SASH1: variants seen among roughly 807,000 people sequenced by gnomAD.
SASH1 encodes the protein SAM and SH3 domain containing 1.
In SASH1, 44 loss-of-function variants were observed where a neutral mutation model predicts 125.2. The observed-to-expected ratio is 0.35, with a 90% CI of 0.28 to 0.45. The LOEUF is 0.45. Among genes scored for constraint, SASH1 ranks in the 20% least tolerant of loss-of-function variants. The pLI, the probability that SASH1 is intolerant of heterozygous loss-of-function variation, is 1.00. For synonymous variants in SASH1, 639 were observed against 649.1 expected (o/e 0.98, Z 0.24); for missense variants, 1,426 against 1,614.5 (o/e 0.88, Z 2.00).
intron 17 of SASH1, among the ~76,000 whole-genome samples, chr6:148,541,165 G>A (rs1241269006): frequency 1.3e-5 from 2 of 151,938 alleles, no homozygotes; most frequent in Non-Finnish European, 2.9e-5. Context: ...GTAGCAAGAT[G>A]AGAAACAGTG....
chr6:148,464,973 A>C (rs1461753311), intron 4 of SASH1, among the ~76,000 whole-genome samples: 1 of 152,206 alleles, frequency 6.6e-6, no homozygotes, highest in African/African-American at 2.4e-5. Flanking sequence ...TGCCTGGGCC[A>C]AGTCCAAACC....
intron 2 of SASH1, chr6:148,393,815 C>A: frequency 1.6e-6 from 1 of 636,888 alleles, no homozygotes; most frequent in Non-Finnish European, 2.0e-6. Flanking sequence ...AGGCTGGAAG[C>A]ATGACTGTTC....
intron 4 of SASH1, among the ~76,000 whole-genome samples, chr6:148,450,722 G>T (rs888719571): frequency 2.7e-5 from 4 of 150,046 alleles, no homozygotes; most frequent in Non-Finnish European, 1.5e-5. Flanking sequence ...ACTCATTGAG[G>T]TATATATTAT....
intron 11 of SASH1, among the ~76,000 whole-genome samples, chr6:148,526,935 C>T (rs1186169746): frequency 6.6e-6 from 1 of 150,706 alleles, no homozygotes; most frequent in Non-Finnish European, 1.5e-5. Context: ...TGCAGTGACG[C>T]GATCTCAGCT....
chr6:148,199,896 G>A, the SASH1 span, among the ~76,000 whole-genome samples: 1 of 152,166 alleles, frequency 6.6e-6, no homozygotes, highest in African/African-American at 2.4e-5. Flanking sequence ...GCAAAGACCA[G>A]CATGTGTGAA....
chr6:148,439,271 G>A (rs2115000326), intron 2 of SASH1, among the ~76,000 whole-genome samples: 1 of 152,198 alleles, frequency 6.6e-6, no homozygotes, highest in Non-Finnish European at 1.5e-5. Flanking sequence ...ATATTTCAGT[G>A]CATTCTTAAT....
At chr6:148,546,210 A>G in intron 19 of SASH1, 64 bp downstream of exon 19, 1 of 1,558,910 alleles carries the variant, frequency 6.4e-7, no homozygotes, top group Non-Finnish European at 8.7e-7. Context: ...AGTGATGACC[A>G]TACTAACAAC....
rs560383314 is a variant in SASH1 at position 148,356,891 on chromosome 6, T to A, written c.156+13668T>A. 7.9e-5 allele frequency among the ~76,000 whole-genome samples: 12 copies of A among 152,346 alleles called. No homozygotes were observed. In the South Asian group the frequency reaches 2.3e-3, roughly 29 times the overall value. On this transcript the variant is annotated intron_variant, in intron 1 of 19. Transcript: ENST00000367467. ...TTGATTATGGCCATTCTTGCAGAAGTAAGGTAGTATTACATTGGGGTTTTG... is the reference window on the plus strand; with the variant it reads ...TTGATTATGGCCATTCTTGCAGAAGAAAGGTAGTATTACATTGGGGTTTTG...
At chr6:148,525,157 C>T in intron 10 of SASH1, 134 bp from the exon 11 acceptor site, 1 of 683,548 alleles carries the variant, frequency 1.5e-6, no homozygotes. Flanking sequence ...CTCATCATTT[C>T]TCGTTTTCTA....
chr6:148,416,217 T>G (rs1366073428), intron 2 of SASH1, among the ~76,000 whole-genome samples: 1 of 152,258 alleles, frequency 6.6e-6, no homozygotes, highest in Non-Finnish European at 1.5e-5. Context: ...CCTCTTGAAT[T>G]GCTTGTTTTC....
At chr6:148,436,753 G>C (rs1346479335) in intron 2 of SASH1, among the ~76,000 whole-genome samples, 2 of 152,288 alleles carry the variant, frequency 1.3e-5, no homozygotes, top group East Asian at 3.9e-4. Context: ...AAACACTGTA[G>C]AGCAGAGCAA....
At chr6:148,483,047 A>G (rs755971768) in intron 7 of SASH1, among the ~76,000 whole-genome samples, 4 of 152,152 alleles carry the variant, frequency 2.6e-5, no homozygotes, top group Non-Finnish European at 5.9e-5. Flanking sequence ...AGCCTGAGAT[A>G]GGGACTCTTG....
At chr6:148,374,630 TCTTAA>T (rs1474631854) in intron 1 of SASH1, among the ~76,000 whole-genome samples, 1 of 151,852 alleles carries the variant, frequency 6.6e-6, no homozygotes, top group African/African-American at 2.4e-5. Flanking sequence ...CCACTCTCAC[TCTTAA>T]CTTCCAAGAT....
chr6:148,198,842 G>A, the SASH1 span, among the ~76,000 whole-genome samples: 7 of 152,078 alleles, frequency 4.6e-5, no homozygotes, highest in Non-Finnish European at 7.4e-5. Flanking sequence ...GTTTTGTTTT[G>A]TTTGAAACAG....
the SASH1 span, among the ~76,000 whole-genome samples, chr6:148,238,625 TAC>T: frequency 0.019 from 2,813 of 149,470 alleles, 72 homozygotes; most frequent in Admixed American, 0.082. Flanking sequence ...TACACACACA[TAC>T]ACACACACAC....
At chr6:148,508,163 A>G (rs1291530338) in intron 8 of SASH1, among the ~76,000 whole-genome samples, 2 of 152,180 alleles carry the variant, frequency 1.3e-5, no homozygotes, top group Non-Finnish European at 2.9e-5. Flanking sequence ...AATATCCTAC[A>G]TTTACCCTGG....
At chr6:148,508,913 A>T in intron 8 of SASH1, 1 of 1,162,928 alleles carries the variant, frequency 8.6e-7, no homozygotes, top group Non-Finnish European at 1.1e-6. Context: ...GAAAGAAAGA[A>T]TGTGTTTTCT....
rs1192466838 is a variant in SASH1, at chr6:148,380,037, G to C, written c.157-10097G>C. On this transcript the variant is annotated intron_variant, in intron 1 of 19. Coordinates refer to ENST00000367467, the MANE Select transcript of SASH1 (RefSeq NM_015278.5). The stretch of plus-strand genomic sequence containing the variant: ...ACCTGTCAGTTCTTAAAAATGTGGA[G>C]TTTTGGCAATAGCACCAAGAAACAG... 6.6e-6 allele frequency: 3 copies of C among 452,410 alleles called. No individual in the cohort carries two copies. The Admixed American group carries it at 7.1e-5, about 11-fold the overall frequency. 28.0% of individuals were successfully genotyped at this position (452,410 alleles called of 1,614,324 possible). A position where few individuals can be genotyped will look rare whatever the true frequency, so the allele number is the denominator to read the frequency against.
intron 1 of SASH1, among the ~76,000 whole-genome samples, chr6:148,327,422 C>G (rs1044590414): frequency 4.0e-5 from 6 of 151,334 alleles, no homozygotes; most frequent in Admixed American, 6.6e-5. Context: ...GTAGCTGGGA[C>G]CATAGGCGCC....
Sources: allele counts gnomAD v4.1 joint callset (sites outside exome capture counted in the v4.1 genomes callset), GRCh38; gene constraint gnomAD v4.1.1; transcripts MANE v1.5; gene names NCBI Gene and HGNC (gene_info 2026-07-23, HGNC 2026-07-21).